Variants in CDO1 observed in about 807,000 individuals in gnomAD.
The protein encoded by CDO1 is cysteine dioxygenase, type I.
CDO1 carries 19 observed loss-of-function variants against 24.5 expected under a neutral mutation model. That is an observed-to-expected ratio of 0.77 (90% CI 0.54 to 1.14). The LOEUF is 1.14. Ranked by LOEUF, CDO1 falls within the 50% of genes most tolerant of loss-of-function variation. The pLI, the probability that CDO1 is intolerant of heterozygous loss-of-function variation, is 0.00. For synonymous variants in CDO1, 91 were observed against 87.0 expected (o/e 1.05, Z -0.26); for missense variants, 244 against 244.8 (o/e 1.00, Z 0.02).
chr5:115,811,348 TAGA>T, intron 2 of CDO1, 33 bp from the exon 3 acceptor site: 1 of 1,560,630 alleles, frequency 6.4e-7, no homozygotes, highest in Non-Finnish European at 8.8e-7. Flanking sequence ...CTGAACTCAG[TAGA>T]TGGTCTAGTA....
intron 1 of CDO1, 144 bp downstream of exon 1, chr5:115,816,084 G>T (rs989693383): frequency 1.9e-5 from 8 of 432,104 alleles, no homozygotes; most frequent in Admixed American, 1.5e-4. Context: ...CCAGCCCCGC[G>T]GCTGGCCAGC....
chr5:115,808,420 A>G (rs548892804), intron 3 of CDO1, among the ~76,000 whole-genome samples: 2 of 152,292 alleles, frequency 1.3e-5, no homozygotes, highest in South Asian at 4.1e-4. Flanking sequence ...ATATAGAGAT[A>G]TTTAAATATA....
At chr5:115,814,046 A>G (rs1404046240) in intron 1 of CDO1, 1 of 152,236 alleles carries the variant, frequency 6.6e-6, no homozygotes, top group Non-Finnish European at 1.5e-5. Flanking sequence ...TAATTATGAC[A>G]TTCATTTAGA....
At chr5:115,806,942 G>A (rs1182163609) in intron 3 of CDO1, among the ~76,000 whole-genome samples, 4 of 152,106 alleles carry the variant, frequency 2.6e-5, no homozygotes, top group Non-Finnish European at 5.9e-5. Context: ...TGGAAATGAG[G>A]GTAAAGATAG....
intron 1 of CDO1, among the ~76,000 whole-genome samples, chr5:115,815,641 T>C (rs1760397386): frequency 1.3e-5 from 2 of 152,226 alleles, no homozygotes; most frequent in African/African-American, 4.8e-5. Flanking sequence ...AAATGCTTGC[T>C]ATAAGGTGCC....
chr5:115,816,645 C>G lies in CDO1; in HGVS notation c.-248G>C. On this transcript the variant is annotated 5_prime_UTR_variant, in exon 1 of 5. Transcript: ENST00000250535. Reference sequence around the variant, plus strand: ...CTGGAGACGCGGTGCACACACAAATCAGGTTCAGATCTGTGGGGTTCATCC... The same window carrying G: ...CTGGAGACGCGGTGCACACACAAATGAGGTTCAGATCTGTGGGGTTCATCC... The G allele has an allele frequency of 1.9e-6, 1 of 525,606 alleles. No individual in the cohort carries two copies. The highest frequency in any genetic ancestry group is 3.5e-6 in the Non-Finnish European group (1 of 289,662). 32.6% of individuals were successfully genotyped at this position (525,606 alleles called of 1,614,324 possible).
Position 115,808,260 on chromosome 5 carries a change from T to A in CDO1, c.404-1742A>T, listed in dbSNP as rs558544842. ...TCCCAAAGTGCTGGGATTACAGGTG[T>A]GAGTCACCACACCCGGCCAGCCCTA... On this transcript the variant is annotated intron_variant, in intron 3 of 4. Transcript: ENST00000250535. Among the ~76,000 whole-genome samples, 23 of 152,186 alleles carry A rather than the reference T, an allele frequency of 1.5e-4. No homozygotes were observed. In the South Asian group the frequency reaches 4.4e-3, roughly 29 times the overall value.
At chr5:115,809,178 C>G (rs373532800) in intron 3 of CDO1, among the ~76,000 whole-genome samples, 33 of 152,162 alleles carry the variant, frequency 2.2e-4, no homozygotes, top group East Asian at 1.7e-3. Flanking sequence ...AAGCAAAGAC[C>G]CTGCAAAAAC....
rs778707985 is a variant in CDO1, at chr5:115,811,224, A to AT, written c.339dup (p.Ser114IlefsTer3). On this transcript the variant is annotated frameshift_variant, in exon 3 of 5. Transcript: ENST00000250535. LOFTEE classifies it high-confidence loss of function. ...TCAGACTTCTTGACCATCTCATTGG[A>AT]TTTTTTGTCAGGCCAGGCAAATAAT... 5.0e-6 allele frequency: 8 copies of AT among 1,613,750 alleles called. No individual in the cohort carries two copies. The highest frequency in any genetic ancestry group is 6.8e-6 in the Non-Finnish European group (8 of 1,179,744).
chr5:115,813,284 G>C, intron 1 of CDO1, 26 bp from the exon 2 acceptor site: 2 of 1,294,302 alleles, frequency 1.5e-6, no homozygotes, highest in Non-Finnish European at 2.2e-6. Context: ...ATATTCAGAA[G>C]TTTTAAGTTC....
chr5:115,810,854 C>T (rs1025492059), intron 3 of CDO1, among the ~76,000 whole-genome samples: 3 of 152,200 alleles, frequency 2.0e-5, no homozygotes, highest in African/African-American at 7.2e-5. Context: ...ATGTTTCCAA[C>T]TTGATCTCTT....
At position 115,813,246 on chromosome 5, in the gene CDO1, A is replaced by G; in HGVS notation, c.183T>C (p.Asn61=). ...AKFDQYRYTR[N]LVDQGNGKFN... is the part of the protein sequence containing the mutation. ...ATTTTCCATTTCCTTGATCCACAAG[A>G]TTTCGGGTATACCTAAAAAAAAACA... The change falls in exon 2 of 5, where the codon AAT becomes AAC. Residue 61 remains asparagine (N), a synonymous_variant. Coordinates refer to ENST00000250535, the MANE Select transcript of CDO1 (RefSeq NM_001801.3). The G allele has an allele frequency of 1.3e-6, 2 of 1,582,460 alleles. No homozygotes were observed. The highest frequency in any genetic ancestry group is 1.1e-5 in the South Asian group (1 of 90,206).
Position 115,816,580 on chromosome 5 carries a change from C to G in CDO1, c.-183G>C, listed in dbSNP as rs11545717. 2 of 645,200 alleles carry G rather than the reference C, an allele frequency of 3.1e-6. No homozygotes were observed. Among genetic ancestry groups the G allele is most frequent in the Non-Finnish European group, 5.3e-6 (2 of 376,912 alleles). 40.0% of individuals were successfully genotyped at this position (645,200 alleles called of 1,614,324 possible). On this transcript the variant is annotated 5_prime_UTR_variant, in exon 1 of 5. Coordinates refer to ENST00000250535, the MANE Select transcript of CDO1 (RefSeq NM_001801.3). ...TGTCGTCGCAGAGACAGCAAGAGACCCACCCCCAGGCCCCTGGCAGCGCAG... is the reference window on the plus strand; with the variant it reads ...TGTCGTCGCAGAGACAGCAAGAGACGCACCCCCAGGCCCCTGGCAGCGCAG...
At chr5:115,805,547 G>A in intron 4 of CDO1, 85 bp from the exon 5 acceptor site, 2 of 1,311,722 alleles carry the variant, frequency 1.5e-6, no homozygotes, top group East Asian at 2.3e-5. Flanking sequence ...TGCTTTTGTA[G>A]CAGTGTATGA....
Position 115,816,288 on chromosome 5 carries a change from A to T in CDO1, c.110T>A (p.Met37Lys). ...EVNVEEVQAI[M>K]EAYESDPTEW... ...GGTGGGGTCGCTCTCGTAGGCTTCC[A>T]TGATGGCCTGCACCTCCTCTACATT... The change falls in exon 1 of 5, where the codon ATG (methionine) becomes AAG (lysine). Residue 37 changes from methionine to lysine, a missense_variant. Physicochemically the swap from Met to Lys is moderately conservative, Grantham distance 95 (BLOSUM62 -1). Transcript: ENST00000250535. 6.2e-7 allele frequency: 1 copy of T among 1,614,122 alleles called. No homozygotes were observed. Among genetic ancestry groups the T allele is most frequent in the South Asian group, 1.1e-5 (1 of 91,082 alleles).
intron 1 of CDO1, among the ~76,000 whole-genome samples, chr5:115,815,093 C>G (rs1760370590): frequency 6.6e-6 from 1 of 152,170 alleles, no homozygotes; most frequent in Admixed American, 6.5e-5. Context: ...TGAAACCGCC[C>G]ATGCCAACAA....
chr5:115,806,293 G>T, intron 4 of CDO1, 56 bp downstream of exon 4: 1 of 1,168,834 alleles, frequency 8.6e-7, no homozygotes, highest in Non-Finnish European at 1.2e-6. Context: ...TTGCATACAT[G>T]CAGTGTAACA....
chr5:115,813,983 G>A (rs947217872), intron 1 of CDO1: 1 of 152,456 alleles, frequency 6.6e-6, no homozygotes, highest in African/African-American at 2.4e-5. Flanking sequence ...CAACGTCAAA[G>A]TTTCTATTGG....
At position 115,805,156 on chromosome 5, in the gene CDO1, T is replaced by C. The variant is rs981557267; in HGVS notation, c.*277A>G. 5.5e-6 allele frequency: 2 copies of C among 360,744 alleles called. No individual in the cohort carries two copies. The highest frequency in any genetic ancestry group is 9.9e-6 in the Non-Finnish European group (2 of 202,244). The allele number at this position is 360,744 out of a possible 1,614,324, so 22.3% of individuals were successfully genotyped here. A position where few individuals can be genotyped will look rare whatever the true frequency, so the allele number is the denominator to read the frequency against. On this transcript the variant is annotated 3_prime_UTR_variant, in exon 5 of 5. Coordinates refer to ENST00000250535, the MANE Select transcript of CDO1 (RefSeq NM_001801.3). Reference sequence around the variant, plus strand: ...AAAACCCTCACTGACGCTCCTAGTATGGATTTAATGGAATTAGAGGATAGA... The same window carrying C: ...AAAACCCTCACTGACGCTCCTAGTACGGATTTAATGGAATTAGAGGATAGA...
Sources: allele counts gnomAD v4.1 joint callset (sites outside exome capture counted in the v4.1 genomes callset), GRCh38; gene constraint gnomAD v4.1.1; transcripts MANE v1.5; gene names NCBI Gene and HGNC (gene_info 2026-07-23, HGNC 2026-07-21).